Variants in NAALADL2 observed in about 807,000 individuals in gnomAD.
The protein encoded by NAALADL2 is N-acetylated alpha-linked acidic dipeptidase like 2.
NAALADL2 carries 76 observed loss-of-function variants against 87.2 expected under a neutral mutation model. The observed-to-expected ratio is 0.87, with a 90% CI of 0.72 to 1.05. NAALADL2 has a LOEUF of 1.05. NAALADL2 is among the 50% of genes least tolerant of loss of function. NAALADL2 has a pLI of 0.00. For synonymous variants in NAALADL2, 354 were observed against 331.0 expected (o/e 1.07, Z -0.75); for missense variants, 1,089 against 945.8 (o/e 1.15, Z -1.99).
At chr3:175,364,530 C>G (rs1162616014) in intron 5 of NAALADL2, among the ~76,000 whole-genome samples, 1 of 147,392 alleles carries the variant, frequency 6.8e-6, no homozygotes, top group East Asian at 2.0e-4. Context: ...TTAAATTACT[C>G]AAACGTTTTA....
intron 3 of NAALADL2, among the ~76,000 whole-genome samples, chr3:174,822,637 A>T (rs1403594447): frequency 1.3e-5 from 2 of 152,158 alleles, no homozygotes; most frequent in Non-Finnish European, 2.9e-5. Flanking sequence ...TATATGTAAT[A>T]TATGATGTAT....
chr3:174,715,381 A>T (rs1731085895), intron 2 of NAALADL2, among the ~76,000 whole-genome samples: 1 of 152,200 alleles, frequency 6.6e-6, no homozygotes, highest in South Asian at 2.1e-4. Context: ...TACCAGACAG[A>T]TTAAAATAAT....
intron 10 of NAALADL2, among the ~76,000 whole-genome samples, chr3:175,591,432 T>C (rs1041780048): frequency 6.6e-6 from 1 of 150,982 alleles, no homozygotes; most frequent in Non-Finnish European, 1.5e-5. Context: ...ATGTGGTTTG[T>C]TAACAGAAAA....
chr3:175,118,400 TAAAA>T (rs1217883866), intron 2 of NAALADL2, among the ~76,000 whole-genome samples: 7 of 151,532 alleles, frequency 4.6e-5, no homozygotes, highest in Non-Finnish European at 1.0e-4. Context: ...TTTGGATCAT[TAAAA>T]AAATAATTAA....
intron 1 of NAALADL2, among the ~76,000 whole-genome samples, chr3:174,917,025 C>G (rs1005452200): frequency 6.6e-6 from 1 of 151,944 alleles, no homozygotes; most frequent in South Asian, 2.1e-4. Context: ...GGTGGTAAAG[C>G]GTTTCAGACT....
intron 2 of NAALADL2, among the ~76,000 whole-genome samples, chr3:174,670,631 G>A (rs1431323895): frequency 6.7e-6 from 1 of 149,478 alleles, no homozygotes; most frequent in African/African-American, 2.6e-5. Context: ...TTATCATCAA[G>A]TCTTTTCAAT....
chr3:175,462,514 G>C (rs1581987753), intron 6 of NAALADL2, among the ~76,000 whole-genome samples: 1 of 152,040 alleles, frequency 6.6e-6, no homozygotes. Context: ...ACATTTGTAG[G>C]CCTGCCAGTA....
At chr3:174,901,784 C>A (rs915743711) in intron 1 of NAALADL2, among the ~76,000 whole-genome samples, 7 of 152,040 alleles carry the variant, frequency 4.6e-5, no homozygotes, top group Admixed American at 3.3e-4. Flanking sequence ...CTGGAATGGG[C>A]CAATGATCAT....
intron 9 of NAALADL2, among the ~76,000 whole-genome samples, chr3:175,524,113 T>C (rs1323495989): frequency 6.6e-6 from 1 of 152,208 alleles, no homozygotes; most frequent in African/African-American, 2.4e-5. Context: ...TTGTCTTATA[T>C]ACCCACAGGT....
chr3:174,652,432 G>A (rs1467162467), intron 2 of NAALADL2, among the ~76,000 whole-genome samples: 1 of 152,126 alleles, frequency 6.6e-6, no homozygotes, highest in African/African-American at 2.4e-5. Context: ...GGGTTTAATC[G>A]ATTCACAGTT....
intron 5 of NAALADL2, among the ~76,000 whole-genome samples, chr3:175,399,007 T>C (rs1292505778): frequency 1.3e-5 from 2 of 151,674 alleles, no homozygotes; most frequent in Non-Finnish European, 2.9e-5. Flanking sequence ...AGAGGAGGAA[T>C]GTGTCCACCC....
At chr3:174,456,416 A>G (rs1459067045) in intron 1 of NAALADL2, among the ~76,000 whole-genome samples, 2 of 148,996 alleles carry the variant, frequency 1.3e-5, no homozygotes, top group East Asian at 3.9e-4. Context: ...CTAAGCAAAA[A>G]AAAAAAAAAA....
chr3:175,147,200 A>G (rs1730874736), intron 2 of NAALADL2, among the ~76,000 whole-genome samples: 1 of 152,192 alleles, frequency 6.6e-6, no homozygotes, highest in Non-Finnish European at 1.5e-5. Flanking sequence ...GGTAGTGTGT[A>G]GAGTACCCAA....
intron 1 of NAALADL2, among the ~76,000 whole-genome samples, chr3:174,941,696 T>C (rs1178684777): frequency 1.3e-5 from 2 of 152,204 alleles, no homozygotes; most frequent in Non-Finnish European, 2.9e-5. Context: ...TGGGTGCATA[T>C]ATATTTAGGA....
intron 1 of NAALADL2, among the ~76,000 whole-genome samples, chr3:174,882,784 T>TATATACAC (rs1560319552): frequency 9.3e-6 from 1 of 107,412 alleles, no homozygotes; most frequent in African/African-American, 4.4e-5. Context: ...TATATACATA[T>TATATACAC]GTGTATATAT....
intron 5 of NAALADL2, among the ~76,000 whole-genome samples, chr3:175,411,872 T>G (rs1713587120): frequency 6.6e-6 from 1 of 152,108 alleles, no homozygotes; most frequent in Non-Finnish European, 1.5e-5. Flanking sequence ...AACTGTGCAT[T>G]GGCTCTGTGA....
intron 1 of NAALADL2, among the ~76,000 whole-genome samples, chr3:174,534,274 T>C (rs1236081161): frequency 6.6e-6 from 1 of 151,892 alleles, no homozygotes; most frequent in Non-Finnish European, 1.5e-5. Context: ...GTTTAATTCA[T>C]AAATATTTCA....
chr3:174,872,822 A>G (rs114314186), intron 1 of NAALADL2, among the ~76,000 whole-genome samples: 7 of 152,072 alleles, frequency 4.6e-5, no homozygotes, highest in African/African-American at 1.7e-4. Context: ...TCAGTACCTA[A>G]TTAAAGGTAT....
intron 2 of NAALADL2, among the ~76,000 whole-genome samples, chr3:174,573,023 A>G (rs1386959801): frequency 6.6e-6 from 1 of 152,192 alleles, no homozygotes; most frequent in Non-Finnish European, 1.5e-5. Flanking sequence ...TTCAGATATT[A>G]TGGCTCCATA....
Sources: gnomAD v4.1 joint callset for allele counts (sites outside exome capture counted in the v4.1 genomes callset) on GRCh38, gnomAD v4.1.1 for gene constraint, MANE v1.5 for transcripts, NCBI Gene and HGNC (gene_info 2026-07-23, HGNC 2026-07-21) for gene names.